RIF1: variants seen among roughly 807,000 people sequenced by gnomAD.
RIF1 encodes replication timing regulatory factor 1, also known as telomere-associated protein RIF1.
RIF1 carries 45 observed loss-of-function variants against 247.1 expected under a neutral mutation model. That is an observed-to-expected ratio of 0.18 (90% CI 0.14 to 0.23). The LOEUF (loss-of-function observed/expected upper bound fraction) is 0.23. RIF1 is among the 10% of genes least tolerant of loss of function. RIF1 has a pLI of 1.00. For synonymous variants in RIF1, 1,087 were observed against 978.8 expected (o/e 1.11, Z -2.06); for missense variants, 2,967 against 2,862.5 (o/e 1.04, Z -0.83).
intron 12 of RIF1, among the ~76,000 whole-genome samples, chr2:151,505,762 C>T (rs1162610241): frequency 3.3e-5 from 5 of 152,132 alleles, no homozygotes; most frequent in African/African-American, 7.2e-5. Flanking sequence ...AGGACAGGGA[C>T]GCTTTGTCTC....
chr2:151,431,812 TGAAC>T (rs1374707914), intron 9 of RIF1, among the ~76,000 whole-genome samples: 39 of 148,548 alleles, frequency 2.6e-4, no homozygotes, highest in African/African-American at 7.8e-4. Flanking sequence ...AATGAATGAA[TGAAC>T]AAAAAGAATA....
At position 151,422,986 on chromosome 2, in the gene RIF1, A is replaced by G. The variant is rs1240366752; in HGVS notation, c.730A>G (p.Lys244Glu). 2 of 1,596,798 alleles carry G rather than the reference A, an allele frequency of 1.3e-6. No individual in the cohort carries two copies. Among genetic ancestry groups the G allele is most frequent in the Non-Finnish European group, 1.7e-6 (2 of 1,166,526 alleles). Reference protein sequence around the residue: ...ISELQKLFMSKNETYVLKLWP... With the variant: ...ISELQKLFMSENETYVLKLWP... The stretch of plus-strand genomic sequence containing the variant: ...AGAACTTCAGAAGCTATTTATGAGT[A>G]AAAATGAGACTTACGTGTTAAAATT... The change falls in exon 8 of 36, where the codon AAA becomes GAA. Residue 244 changes from lysine (K) to glutamate (E), a missense_variant. Around this residue, in one of 7 missense-constraint regions of RIF1, gnomAD observed 269 missense variants for 288.6 expected, o/e 0.93. Transcript: ENST00000444746.
chr2:151,509,326 G>A (rs2153224213), downstream of RIF1, among the ~76,000 whole-genome samples: 1 of 135,500 alleles, frequency 7.4e-6, no homozygotes, highest in Middle Eastern at 4.1e-3. Flanking sequence ...TAGATGTAAG[G>A]AAAACAGTTC....
In RIF1 at chr2:151,465,456, C is replaced by T; in HGVS notation, c.5936C>T (p.Thr1979Ile). The change falls in exon 30 of 36, where the codon ACT becomes ATT. Residue 1979 changes from threonine (T) to isoleucine (I), a missense_variant. Physicochemically the swap from Thr to Ile is moderately conservative, Grantham distance 89 (BLOSUM62 -1). Transcript: ENST00000444746. ...TCAGATATTAGTCTTTCTGATAATA[C>T]TACACCTGTAAAATTGAATGCTCAA... The part of the protein sequence containing the change: ...FNSDISLSDN[T>I]TPVKLNAQTE... The T allele has an allele frequency of 1.2e-6, 2 of 1,613,984 alleles. No individual in the cohort carries two copies. Among genetic ancestry groups the T allele is most frequent in the Non-Finnish European group, 1.7e-6 (2 of 1,179,934 alleles).
intron 9 of RIF1, chr2:151,493,294 G>T: frequency 7.8e-7 from 1 of 1,289,602 alleles, no homozygotes; most frequent in South Asian, 1.3e-5. Flanking sequence ...GTGTTTTTAT[G>T]ATGTTAAAAT....
At chr2:151,467,385 AAGAC>A (rs1415086510) in intron 30 of RIF1, among the ~76,000 whole-genome samples, 1 of 152,000 alleles carries the variant, frequency 6.6e-6, no homozygotes, top group Admixed American at 6.6e-5. Flanking sequence ...CTCTGTCTGT[AAGAC>A]AGAGTAGTGC....
rs114241304 is a variant in RIF1, at chr2:151,468,437, G to A, written c.6748-37G>A. ...AATTGTGAAATTATAGTCATCTAGG[G>A]TTCTGAGTGTTTTTTTCTCTCCTTT... On this transcript the variant is annotated intron_variant, in intron 31 of 35. Coordinates refer to ENST00000444746, the MANE Select transcript of RIF1 (RefSeq NM_018151.5). 186 of 1,486,850 alleles carry A rather than the reference G, an allele frequency of 1.3e-4. No individual in the cohort carries two copies. The African/African-American group carries it at 2.1e-3, about 17-fold the overall frequency. The allele number at this position is 1,486,850 out of a possible 1,614,324, so 92.1% of individuals were successfully genotyped here.
At chr2:151,534,065 C>CT in the RIF1 span, 1 of 620,084 alleles carries the variant, frequency 1.6e-6, no homozygotes, top group South Asian at 2.2e-5. Flanking sequence ...AGCTGACGGG[C>CT]TTTTTGGGTG....
intron 15 of RIF1, 49 bp from the exon 16 acceptor site, chr2:151,441,856 G>C: frequency 1.2e-6 from 1 of 820,680 alleles, no homozygotes; most frequent in South Asian, 1.6e-5. Context: ...ATTTTTATTA[G>C]ATAATATTTT....
At chr2:151,418,832 A>G (rs1232793964) in intron 6 of RIF1, among the ~76,000 whole-genome samples, 1 of 152,020 alleles carries the variant, frequency 6.6e-6, no homozygotes, top group African/African-American at 2.4e-5. Context: ...CTGAGATTGC[A>G]CCACTGCACT....
In RIF1 at chr2:151,420,085, A is replaced by G; in HGVS notation, c.504-105A>G. On this transcript the variant is annotated intron_variant, in intron 6 of 35. Transcript: ENST00000444746. The stretch of plus-strand genomic sequence containing the variant: ...ATATGCATATTTGTATATATTCTAA[A>G]ACAAATGGGCCGTACTGTGTATATT... The G allele has an allele frequency of 6.6e-6, 6 of 910,252 alleles. No homozygotes were observed. The South Asian group carries it at 1.0e-4, about 16-fold the overall frequency. 56.4% of individuals were successfully genotyped at this position (910,252 alleles called of 1,614,324 possible).
Position 151,468,127 on chromosome 2 carries a change from C to G in RIF1, c.6728C>G (p.Ser2243Cys), listed in dbSNP as rs540698395. 2.5e-6 allele frequency: 4 copies of G among 1,612,534 alleles called. No individual in the cohort carries two copies. The East Asian group carries it at 6.7e-5, about 27-fold the overall frequency. ...CCCATAGGAAAAAGTGTTAAAACTT[C>G]TCCTACTACACAATCTAAGGTAAGC... ...SSPIGKSVKT[S>C]PTTQSKHNTT... Residue 2243 changes from serine to cysteine, a missense_variant, in exon 31 of 36, where the codon TCT becomes TGT. Coordinates refer to ENST00000444746, the MANE Select transcript of RIF1 (RefSeq NM_018151.5).
intron 3 of RIF1, 152 bp from the exon 4 acceptor site, chr2:151,414,671 C>T: frequency 1.7e-6 from 1 of 574,142 alleles, no homozygotes; most frequent in Non-Finnish European, 3.1e-6. Flanking sequence ...GATTTTATTC[C>T]TTGTTTATTT....
the RIF1 span, chr2:151,519,911 A>G: frequency 3.5e-6 from 2 of 571,768 alleles, no homozygotes; most frequent in East Asian, 5.7e-5. Context: ...GGACATTTAG[A>G]GTAAAGAAGA....
chr2:151,463,988 C>T lies in RIF1; in HGVS notation c.4468C>T (p.Leu1490Phe). 6.2e-7 allele frequency: 1 copy of T among 1,608,442 alleles called. No homozygotes were observed. The highest frequency in any genetic ancestry group is 8.5e-7 in the Non-Finnish European group (1 of 1,178,692). The part of the protein sequence containing the change: ...EKGSNLHEKT[L>F]GETSANAETE... ...AGGAAGTAATTTACATGAGAAGACTCTTGGGGAAACTAGTGCTAATGCAGA... is the reference window on the plus strand; with the variant it reads ...AGGAAGTAATTTACATGAGAAGACTTTTGGGGAAACTAGTGCTAATGCAGA... Residue 1490 changes from leucine to phenylalanine, a missense_variant, in exon 30 of 36, where the codon CTT becomes TTT. Physicochemically the swap from Leu to Phe is conservative, Grantham distance 22. Coordinates refer to ENST00000444746, the MANE Select transcript of RIF1 (RefSeq NM_018151.5).
intron 9 of RIF1, chr2:151,491,632 A>C: frequency 1.4e-6 from 2 of 1,388,220 alleles, no homozygotes; most frequent in Admixed American, 2.0e-5. Context: ...CATTGACTCT[A>C]GCATACTAAA....
At position 151,495,924 on chromosome 2, in the gene RIF1, C is replaced by T. The variant is rs368021241; in HGVS notation, c.*513+598C>T. ...AACAAAATCATATTTAAGAAAGAGC[C>T]GCATTGGACCTACTCCACCACCCCA... On this transcript the variant is annotated intron_variant and NMD_transcript_variant, in intron 10 of 13. Coordinates refer to the RIF1 transcript ENST00000454583. Among the ~76,000 whole-genome samples the T allele has an allele frequency of 2.2e-4, 33 of 152,020 alleles. No homozygotes were observed. The East Asian group carries it at 2.7e-3, about 12-fold the overall frequency.
intron 20 of RIF1, among the ~76,000 whole-genome samples, chr2:151,450,343 T>G (rs1694079048): frequency 6.6e-6 from 1 of 152,220 alleles, no homozygotes; most frequent in Admixed American, 6.5e-5. Flanking sequence ...GTTTTATAAT[T>G]GTTTATTTAT....
chr2:151,518,322 C>T, the RIF1 span: 1 of 1,597,100 alleles, frequency 6.3e-7, no homozygotes, highest in East Asian at 2.2e-5. Flanking sequence ...ACTTACTATA[C>T]TCTGTAATTC....
Sources: gnomAD v4.1 joint callset for allele counts (sites outside exome capture counted in the v4.1 genomes callset) on GRCh38, gnomAD v4.1.1 for gene constraint, gnomAD v4.1.1 regional missense constraint, MANE v1.5 for transcripts, NCBI Gene and HGNC (gene_info 2026-07-23, HGNC 2026-07-21) for gene names.